GRM7: variants seen among roughly 807,000 people sequenced by gnomAD.
The protein encoded by GRM7 is metabotropic glutamate receptor 7.
A neutral mutation model predicts 84.5 loss-of-function variants in GRM7; 35 were observed. The ratio of observed to expected loss-of-function variants is 0.41; its 90% CI spans 0.32 to 0.55. GRM7 has a LOEUF of 0.55. Ranked by LOEUF, GRM7 falls within the 20% of genes least tolerant of loss-of-function variation. The pLI is 0.19. For synonymous variants in GRM7, 487 were observed against 455.1 expected, an observed-to-expected ratio of 1.07 and a Z score of -0.89; for missense variants, 1,003 against 1,194.6, an observed-to-expected ratio of 0.84 and a Z score of 2.36.
At chr3:7,018,036 A>G (rs1695639537) in intron 1 of GRM7, among the ~76,000 whole-genome samples, 1 of 152,246 alleles carries the variant, frequency 6.6e-6, no homozygotes. Context: ...CTATCCAATA[A>G]AAATGTGAAC....
intron 1 of GRM7, among the ~76,000 whole-genome samples, chr3:6,873,898 T>C (rs1240752575): frequency 2.0e-5 from 3 of 152,222 alleles, no homozygotes; most frequent in Non-Finnish European, 4.4e-5. Flanking sequence ...GAAAGAGAGA[T>C]TGTTTCATCT....
At chr3:7,719,824 AC>A (rs1241708175) in intron 9 of GRM7, among the ~76,000 whole-genome samples, 1 of 144,124 alleles carries the variant, frequency 6.9e-6, no homozygotes, top group East Asian at 2.1e-4. Flanking sequence ...ACACACACAC[AC>A]AGAAATGATA....
chr3:7,501,985 T>C (rs1327230239), intron 7 of GRM7, among the ~76,000 whole-genome samples: 2 of 152,190 alleles, frequency 1.3e-5, no homozygotes, highest in African/African-American at 4.8e-5. Flanking sequence ...CAGCCTTACA[T>C]AGTGGTTCTT....
chr3:6,997,360 GTC>G (rs1461810748), intron 1 of GRM7, among the ~76,000 whole-genome samples: 1 of 152,114 alleles, frequency 6.6e-6, no homozygotes, highest in Non-Finnish European at 1.5e-5. Flanking sequence ...AAGGAAAGAG[GTC>G]TATTTGACTC....
At chr3:7,018,739 CA>C (rs1233444695) in intron 1 of GRM7, among the ~76,000 whole-genome samples, 1 of 152,190 alleles carries the variant, frequency 6.6e-6, no homozygotes, top group Admixed American at 6.5e-5. Context: ...CTGAGTGGCA[CA>C]AGAGATGTCC....
At chr3:7,388,722 T>A (rs1694879311) in intron 4 of GRM7, among the ~76,000 whole-genome samples, 1 of 152,134 alleles carries the variant, frequency 6.6e-6, no homozygotes, top group Non-Finnish European at 1.5e-5. Flanking sequence ...TTTGTGTACA[T>A]AGAGATGTTC....
intron 1 of GRM7, among the ~76,000 whole-genome samples, chr3:7,098,274 T>G (rs1017791350): frequency 6.6e-6 from 1 of 152,006 alleles, no homozygotes; most frequent in African/African-American, 2.4e-5. Context: ...TACACAGTTA[T>G]TTGTTGGGTC....
In GRM7 at chr3:7,486,060, G is replaced by A. The variant is rs1306246238; in HGVS notation, c.1515+24338G>A. ...ACATACCACATCTTATAGAAGTTGA[G>A]ATAAACTTTAAAGTTCTTCAAAGAG... is the stretch of plus-strand genomic sequence containing the variant. On this transcript the variant is annotated intron_variant, in intron 7 of 9. Coordinates refer to ENST00000357716, the MANE Select transcript of GRM7 (RefSeq NM_000844.4). This position sits in a 1 kb window ranked among gnomAD's most constrained non-coding sequence, Gnocchi z 5.5. Among the ~76,000 whole-genome samples the A allele has an allele frequency of 6.6e-6, 1 of 152,114 alleles. No homozygotes were observed. The highest frequency in any genetic ancestry group is 6.5e-5 in the Admixed American group (1 of 15,272).
intron 2 of GRM7, among the ~76,000 whole-genome samples, chr3:7,174,468 G>T (rs1206193806): frequency 6.6e-6 from 1 of 152,172 alleles, no homozygotes; most frequent in Admixed American, 6.5e-5. Flanking sequence ...ATTGCTGTTT[G>T]TCCTTGTACA....
At chr3:7,146,319 A>C (rs3828472) in intron 1 of GRM7, 133 bp from the exon 2 acceptor site, 181,312 of 683,554 alleles carry the variant, frequency 0.27, 25,612 homozygotes, top group Non-Finnish European at 0.3. Context: ...CTAAAATTAC[A>C]TGGTGGTGTT....
intron 1 of GRM7, among the ~76,000 whole-genome samples, chr3:7,018,592 C>T (rs900543562): frequency 6.6e-6 from 1 of 152,130 alleles, no homozygotes. Flanking sequence ...GAAGGCTGAG[C>T]GTAGGAAGTG....
chr3:7,066,486 A>G (rs1049561861), intron 1 of GRM7, among the ~76,000 whole-genome samples: 45 of 151,860 alleles, frequency 3.0e-4, no homozygotes, highest in African/African-American at 1.0e-3. Context: ...AGAATTAGAT[A>G]CCCTGAACAG....
intron 1 of GRM7, among the ~76,000 whole-genome samples, chr3:7,139,663 G>C (rs4470503): frequency 6.6e-6 from 1 of 151,918 alleles, no homozygotes; most frequent in African/African-American, 2.4e-5. Context: ...GTATAGTTTA[G>C]AGTGATATGT....
intron 5 of GRM7, among the ~76,000 whole-genome samples, chr3:7,452,396 A>C (rs1001376843): frequency 2.3e-4 from 35 of 152,182 alleles, no homozygotes; most frequent in African/African-American, 8.2e-4. Flanking sequence ...AAAATACTAC[A>C]AGCTATTAGA....
intron 9 of GRM7, among the ~76,000 whole-genome samples, chr3:7,713,130 T>TTTTTTTG (rs1701645196): frequency 8.1e-5 from 6 of 74,312 alleles, no homozygotes; most frequent in African/African-American, 3.2e-4. Flanking sequence ...TTTTGTTTTT[T>TTTTTTTG]TTTTTTTTTT....
At chr3:6,875,746 CA>C (rs1260019512) in intron 1 of GRM7, among the ~76,000 whole-genome samples, 1 of 152,124 alleles carries the variant, frequency 6.6e-6, no homozygotes, top group African/African-American at 2.4e-5. Flanking sequence ...TTGATCATGC[CA>C]GGGGTGAAGT....
intron 8 of GRM7, among the ~76,000 whole-genome samples, chr3:7,583,764 A>G (rs1415648093): frequency 6.6e-6 from 1 of 152,162 alleles, no homozygotes; most frequent in African/African-American, 2.4e-5. Context: ...TTCTCTTAGG[A>G]AGCTATATAT....
intron 4 of GRM7, among the ~76,000 whole-genome samples, chr3:7,313,909 T>C (rs1700492544): frequency 7.8e-6 from 1 of 129,026 alleles, no homozygotes; most frequent in Non-Finnish European, 1.8e-5. Flanking sequence ...AGCAAAGTTG[T>C]AAAATGGAGA....
At chr3:7,021,700 C>T (rs1353520002) in intron 1 of GRM7, among the ~76,000 whole-genome samples, 1 of 152,112 alleles carries the variant, frequency 6.6e-6, no homozygotes, top group Admixed American at 6.5e-5. Flanking sequence ...ATATGGTTAG[C>T]AATTACCATT....
Sources: allele counts gnomAD v4.1 joint callset (sites outside exome capture counted in the v4.1 genomes callset), GRCh38; gene constraint gnomAD v4.1.1; non-coding constraint Gnocchi (gnomAD v3.1); transcripts MANE v1.5; gene names NCBI Gene and HGNC (gene_info 2026-07-23, HGNC 2026-07-21).